The following PRRG1 variants were observed in gnomAD, a reference collection of about 807,000 sequenced individuals.
PRRG1 encodes proline rich and Gla domain 1.
A neutral mutation model predicts 11.8 loss-of-function variants in PRRG1; 5 were observed. The observed-to-expected ratio is 0.42, with a 90% CI of 0.22 to 0.89. The LOEUF is 0.89. PRRG1 is among the 40% of genes least tolerant of loss of function. The probability of loss-of-function intolerance (pLI) is 0.28; values close to 1 mark genes in which losing one functional copy is unlikely to be tolerated. For missense variants in PRRG1, 155 were observed against 166.1 expected (o/e 0.93, Z 0.37); for synonymous variants, 66 against 60.4 (o/e 1.09, Z -0.43).
chrX:37,395,067 G>A (rs782404250), intron 1 of PRRG1, among the ~76,000 whole-genome samples: 1 of 111,511 alleles, frequency 9.0e-6, no homozygotes, highest in Non-Finnish European at 1.9e-5. Context: ...TATTAAAACT[G>A]TTATTTAATC....
At chrX:37,450,685 A>T (rs1382004535) in intron 3 of PRRG1, among the ~76,000 whole-genome samples, 2 of 112,030 alleles carry the variant, frequency 1.8e-5, no homozygotes, top group East Asian at 2.8e-4. Flanking sequence ...GTATTTTTGG[A>T]TAAATTGAAA....
At chrX:37,427,566 T>C (rs2146609210) in intron 3 of PRRG1, among the ~76,000 whole-genome samples, 1 of 112,516 alleles carries the variant, frequency 8.9e-6, no homozygotes, top group East Asian at 2.8e-4. Context: ...TCTCCAGAAT[T>C]CATTTATCTT....
At position 37,454,473 on chromosome X, in the gene PRRG1, T is replaced by A. The variant is rs1483189558; in HGVS notation, c.*852T>A. On this transcript the variant is annotated 3_prime_UTR_variant, in exon 4 of 4. Coordinates refer to ENST00000378628, the MANE Select transcript of PRRG1 (RefSeq NM_001142395.2). ...TAAATACCCATTACTCCTTTACTCA[T>A]AGCTGGTAAAATTATTCCCACTGTT... The A allele has an allele frequency of 3.6e-5, 4 of 112,242 alleles. No individual in the cohort carries two copies. Among genetic ancestry groups the A allele is most frequent in the Non-Finnish European group, 5.6e-5 (3 of 53,255 alleles). The allele number at this position is 112,242 out of a possible 1,213,427, so 9.3% of individuals were successfully genotyped here. A position where few individuals can be genotyped will look rare whatever the true frequency, so the allele number is the denominator to read the frequency against.
intron 3 of PRRG1, among the ~76,000 whole-genome samples, chrX:37,433,036 G>A (rs181862778): frequency 5.4e-5 from 6 of 111,111 alleles, no homozygotes; most frequent in Admixed American, 1.9e-4. Flanking sequence ...AAATATACTC[G>A]GAATCTAGCC....
intron 1 of PRRG1, among the ~76,000 whole-genome samples, chrX:37,366,738 G>T (rs1447393631): frequency 1.8e-5 from 2 of 111,737 alleles, no homozygotes; most frequent in African/African-American, 6.5e-5. Context: ...TATGTACTAT[G>T]GGATATTCCT....
chrX:37,401,673 T>A (rs1931985778), intron 1 of PRRG1, among the ~76,000 whole-genome samples: 1 of 111,034 alleles, frequency 9.0e-6, no homozygotes. Flanking sequence ...GGTATTCAAT[T>A]AGGAAAAGAG....
At chrX:37,432,674 C>T (rs1208662284) in intron 3 of PRRG1, among the ~76,000 whole-genome samples, 1 of 112,103 alleles carries the variant, frequency 8.9e-6, no homozygotes, top group Admixed American at 9.4e-5. Flanking sequence ...CACTTCATTT[C>T]TTGAAACTCT....
In PRRG1 at chrX:37,453,578, C is replaced by T; in HGVS notation, c.614C>T (p.Ala205Val). Residue 205 changes from alanine (A) to valine (V), a missense_variant, in exon 4 of 4, where the codon GCC (alanine) becomes GTC (valine). By Grantham distance (64) the Ala-to-Val change is moderately conservative. Coordinates refer to ENST00000378628, the MANE Select transcript of PRRG1 (RefSeq NM_001142395.2). Reference protein sequence around the residue: ...EYEDIVNSNSASAIPMVPVVT... With the variant: ...EYEDIVNSNSVSAIPMVPVVT... ...GAGGACATAGTCAACTCCAACTCAGCCAGTGCCATTCCTATGGTGCCTGTG... is the reference window on the plus strand; with the variant it reads ...GAGGACATAGTCAACTCCAACTCAGTCAGTGCCATTCCTATGGTGCCTGTG... The T allele has an allele frequency of 8.3e-7, 1 of 1,203,434 alleles. No homozygotes were observed. The highest frequency in any genetic ancestry group is 1.1e-6 in the Non-Finnish European group (1 of 890,605).
rs1556388259 is a variant in PRRG1 at position 37,425,892 on chromosome X, T to C, written c.63T>C (p.Ala21=). The change falls in exon 3 of 4, where the codon GCT becomes GCC. Residue 21 remains alanine (A), a synonymous_variant. Transcript: ENST00000378628. ...CCATATTAAAACGCTACCCAAGAGC[T>C]AATGGGTTTTTTGAAGAAATAAGAC... The part of the protein sequence containing the change: ...ANSILKRYPR[A]NGFFEEIRQG... 8.3e-7 allele frequency: 1 copy of C among 1,205,570 alleles called. No homozygotes were observed. The highest frequency in any genetic ancestry group is 1.8e-5 in the South Asian group (1 of 55,822).
At chrX:37,400,492 G>C (rs1456991698) in intron 1 of PRRG1, among the ~76,000 whole-genome samples, 28 of 110,798 alleles carry the variant, frequency 2.5e-4, no homozygotes, top group African/African-American at 8.6e-4. Context: ...AGTGTGTAGA[G>C]GGAAATTTAT....
chrX:37,453,765 G>T lies in PRRG1; in HGVS notation c.*144G>T. ...CTTCACACTTGTTTTATTTTCTTTAGTTTTGTTTCTTGTTATAGAATCATT... is the reference window on the plus strand; with the variant it reads ...CTTCACACTTGTTTTATTTTCTTTATTTTTGTTTCTTGTTATAGAATCATT... On this transcript the variant is annotated 3_prime_UTR_variant, in exon 4 of 4. Coordinates refer to ENST00000378628, the MANE Select transcript of PRRG1 (RefSeq NM_001142395.2). The T allele has an allele frequency of 3.0e-6, 2 of 669,686 alleles. No individual in the cohort carries two copies. Among genetic ancestry groups the T allele is most frequent in the Non-Finnish European group, 4.1e-6 (2 of 485,275 alleles). 55.2% of individuals were successfully genotyped at this position (669,686 alleles called of 1,213,427 possible). A position where few individuals can be genotyped will look rare whatever the true frequency, so the allele number is the denominator to read the frequency against.
At chrX:37,370,949 A>T (rs781943761) in intron 1 of PRRG1, among the ~76,000 whole-genome samples, 1 of 111,474 alleles carries the variant, frequency 9.0e-6, no homozygotes, top group African/African-American at 3.3e-5. Flanking sequence ...ACCCTTCAGC[A>T]CAAACAGCCT....
intron 3 of PRRG1, among the ~76,000 whole-genome samples, chrX:37,443,895 T>C (rs1230129975): frequency 2.7e-5 from 3 of 112,261 alleles, no homozygotes; most frequent in Non-Finnish European, 5.6e-5. Context: ...AGATTATGCA[T>C]GTTTCTGAAA....
chrX:37,422,350 GC>G (rs1368295809), intron 2 of PRRG1, among the ~76,000 whole-genome samples: 1 of 111,826 alleles, frequency 8.9e-6, no homozygotes, highest in East Asian at 2.8e-4. Flanking sequence ...GACCAGTTTT[GC>G]ACTTGTCAGA....
chrX:37,355,324 A>G (rs190875245), intron 1 of PRRG1, among the ~76,000 whole-genome samples: 2 of 111,520 alleles, frequency 1.8e-5, no homozygotes, highest in African/African-American at 6.5e-5. Flanking sequence ...ATTGACTCAT[A>G]AAATCTGGAT....
At position 37,455,934 on chromosome X, in the gene PRRG1, C is replaced by T. The variant is rs1556398236; in HGVS notation, c.*2313C>T. ...ACCCCTGGGTTCCTTGAGAGCCTTT[C>T]AGGGGGGACTATGAGATCAAAATAT... On this transcript the variant is annotated 3_prime_UTR_variant, in exon 4 of 4. Coordinates refer to ENST00000378628, the MANE Select transcript of PRRG1 (RefSeq NM_001142395.2). 1 of 111,839 alleles carries T rather than the reference C, an allele frequency of 8.9e-6. No individual in the cohort carries two copies. Among genetic ancestry groups the T allele is most frequent in the Non-Finnish European group, 1.9e-5 (1 of 53,162 alleles). The allele number at this position is 111,839 out of a possible 1,213,427, so 9.2% of individuals were successfully genotyped here. A position where few individuals can be genotyped will look rare whatever the true frequency, so the allele number is the denominator to read the frequency against.
chrX:37,387,281 T>C (rs1396764645), intron 1 of PRRG1, among the ~76,000 whole-genome samples: 5 of 112,562 alleles, frequency 4.4e-5, no homozygotes, highest in African/African-American at 1.6e-4. Flanking sequence ...ACTAAGTGTA[T>C]ATTCTAGGAA....
chrX:37,388,360 C>G (rs1815105611), intron 1 of PRRG1, among the ~76,000 whole-genome samples: 1 of 112,850 alleles, frequency 8.9e-6, no homozygotes, highest in Non-Finnish European at 1.9e-5. Context: ...CCTTACTGCC[C>G]TAGTAGAGGT....
intron 2 of PRRG1, among the ~76,000 whole-genome samples, chrX:37,412,433 A>AGGTTAT (rs1932373542): frequency 9.3e-6 from 1 of 108,032 alleles, no homozygotes; most frequent in African/African-American, 3.5e-5. Flanking sequence ...CCTGTAAAGT[A>AGGTTAT]ACTGTCTTAT....
Sources: allele counts gnomAD v4.1 joint callset (sites outside exome capture counted in the v4.1 genomes callset), GRCh38; gene constraint gnomAD v4.1.1; transcripts MANE v1.5; gene names NCBI Gene and HGNC (gene_info 2026-07-23, HGNC 2026-07-21).